SMYD4: variants seen among roughly 807,000 people sequenced by gnomAD.
SMYD4 encodes the protein SET and MYND domain containing 4.
A neutral mutation model predicts 72.8 loss-of-function variants in SMYD4; 68 were observed. The observed-to-expected ratio is 0.93, with a 90% CI of 0.77 to 1.14. The LOEUF is 1.14. Ranked by LOEUF, SMYD4 falls within the 50% of genes most tolerant of loss-of-function variation. The pLI is 0.00. For synonymous variants in SMYD4, 407 were observed against 388.6 expected (o/e 1.05, Z -0.56); for missense variants, 984 against 1,003.7 (o/e 0.98, Z 0.27).
In SMYD4 at chr17:1,811,853, G is replaced by A. The variant is rs1910343682; in HGVS notation, c.279+118C>T. ...AAGGTGGGAGGATCGCTTGAACCCA[G>A]GAGGCGAATGTTGCAGTGAGCTGAG... On this transcript the variant is annotated intron_variant, in intron 3 of 10. Coordinates refer to ENST00000305513, the MANE Select transcript of SMYD4 (RefSeq NM_052928.3). 8 of 1,105,174 alleles carry A rather than the reference G, an allele frequency of 7.2e-6. No individual in the cohort carries two copies. In the South Asian group the frequency reaches 8.3e-5, roughly 11 times the overall value. The allele number at this position is 1,105,174 out of a possible 1,614,324, so 68.5% of individuals were successfully genotyped here.
chr17:1,794,069 GTATATATATGTGTA>G (rs1460634479), intron 5 of SMYD4, among the ~76,000 whole-genome samples: 3 of 67,924 alleles, frequency 4.4e-5, no homozygotes, highest in African/African-American at 2.2e-4. Flanking sequence ...ATATATATGT[GTATATATATGTGTA>G]TATATATATA....
intron 5 of SMYD4, among the ~76,000 whole-genome samples, chr17:1,793,696 G>A (rs1909182571): frequency 6.6e-6 from 1 of 152,002 alleles, no homozygotes; most frequent in African/African-American, 2.4e-5. Flanking sequence ...TTATAGGGAT[G>A]GGAGAAACTG....
chr17:1,806,943 T>TGC (rs150592258), intron 3 of SMYD4, among the ~76,000 whole-genome samples: 2,770 of 152,028 alleles, frequency 0.018, 85 homozygotes, highest in African/African-American at 0.062. Context: ...CAGGCTGGAG[T>TGC]GCAGTGGGGT....
chr17:1,779,766 G>C lies in SMYD4; in HGVS notation c.*1520C>G, dbSNP rs931486689. The C allele has an allele frequency of 6.6e-6, 1 of 152,590 alleles. No homozygotes were observed. The highest frequency in any genetic ancestry group is 2.4e-5 in the African/African-American group (1 of 41,478). 9.5% of individuals were successfully genotyped at this position (152,590 alleles called of 1,614,324 possible). A position where few individuals can be genotyped will look rare whatever the true frequency, so the allele number is the denominator to read the frequency against. On this transcript the variant is annotated 3_prime_UTR_variant, in exon 11 of 11. Coordinates refer to ENST00000305513, the MANE Select transcript of SMYD4 (RefSeq NM_052928.3). ...AAAGGAGTCGAGGAAGCTAGATACT[G>C]TAAGTGGAACGGTGTGTCTCTGGAG...
intron 2 of SMYD4, among the ~76,000 whole-genome samples, chr17:1,827,603 C>T (rs1354858584): frequency 6.6e-6 from 1 of 152,022 alleles, no homozygotes; most frequent in Non-Finnish European, 1.5e-5. Context: ...GGGATAGAAA[C>T]GAACCAGGAA....
rs745481629 is a variant in SMYD4, at chr17:1,787,402, A to T, written c.1720+20T>A. The T allele has an allele frequency of 1.2e-5, 18 of 1,551,590 alleles. No homozygotes were observed. The highest frequency in any genetic ancestry group is 1.6e-5 in the Non-Finnish European group (18 of 1,147,784). On this transcript the variant is annotated intron_variant, in intron 6 of 10. Transcript: ENST00000305513. ...TTCTGTTGGAGAAGGGCAGGATGGC[A>T]GTGCGGAGGGATGGCTCACCATAGC... is the stretch of plus-strand genomic sequence containing the variant.
intron 4 of SMYD4, among the ~76,000 whole-genome samples, chr17:1,803,051 G>C (rs970801839): frequency 6.6e-6 from 1 of 152,236 alleles, no homozygotes; most frequent in Non-Finnish European, 1.5e-5. Flanking sequence ...GCTGAGGCAG[G>C]AGAATCGTTG....
intron 10 of SMYD4, chr17:1,781,674 G>T: frequency 3.8e-6 from 1 of 264,786 alleles, no homozygotes; most frequent in Non-Finnish European, 7.0e-6. Flanking sequence ...AAATCTCAAA[G>T]CTTTTTTTTT....
chr17:1,803,309 A>G lies in SMYD4; in HGVS notation c.369+1317T>C, dbSNP rs868570357. Reference sequence around the variant, plus strand: ...TCCTTTTGCACTCACGACACTTAAGAAGGCTGAGCTATTACTACAGGGATA... The same window carrying G: ...TCCTTTTGCACTCACGACACTTAAGGAGGCTGAGCTATTACTACAGGGATA... On this transcript the variant is annotated intron_variant, in intron 4 of 10. Coordinates refer to ENST00000305513, the MANE Select transcript of SMYD4 (RefSeq NM_052928.3). 5.0e-4 allele frequency among the ~76,000 whole-genome samples: 76 copies of G among 152,304 alleles called. 1 individual carries two copies. Among genetic ancestry groups the G allele is most frequent in the African/African-American group, 1.7e-3 (72 of 41,572 alleles).
chr17:1,783,485 G>A lies in SMYD4; in HGVS notation c.2021-9C>T, dbSNP rs1429439558. ...CCGCTGAACAGCTCGCTCTGTCAAT[G>A]CAGAGGAAAGACGTCTCACTATAGA... On this transcript the variant is annotated splice_polypyrimidine_tract_variant and intron_variant, in intron 8 of 10. Coordinates refer to ENST00000305513, the MANE Select transcript of SMYD4 (RefSeq NM_052928.3). 1 of 1,597,100 alleles carries A rather than the reference G, an allele frequency of 6.3e-7. No individual in the cohort carries two copies. The highest frequency in any genetic ancestry group is 1.8e-5 in the Admixed American group (1 of 56,702).
At chr17:1,794,696 G>A (rs796501214) in intron 5 of SMYD4, among the ~76,000 whole-genome samples, 2 of 150,240 alleles carry the variant, frequency 1.3e-5, no homozygotes, top group Admixed American at 6.7e-5. Flanking sequence ...TTTAATGCTC[G>A]TATGAAATCT....
intron 5 of SMYD4, among the ~76,000 whole-genome samples, chr17:1,788,870 G>A (rs914333646): frequency 4.6e-5 from 7 of 152,164 alleles, no homozygotes; most frequent in Non-Finnish European, 1.5e-5. Context: ...AAAGCCATCT[G>A]TCCTAGGAGT....
intron 6 of SMYD4, 74 bp downstream of exon 6, chr17:1,787,348 G>C (rs1179243487): frequency 1.3e-6 from 2 of 1,526,990 alleles, no homozygotes; most frequent in Non-Finnish European, 1.8e-6. Flanking sequence ...CACATGCCTG[G>C]TGGCTTGCTG....
intron 2 of SMYD4, among the ~76,000 whole-genome samples, chr17:1,822,145 A>G (rs974836784): frequency 6.6e-6 from 1 of 151,616 alleles, no homozygotes; most frequent in African/African-American, 2.4e-5. Flanking sequence ...GAGGCAAGAT[A>G]ATCACTTGAA....
chr17:1,812,468 CT>C (rs1910376054), intron 2 of SMYD4, among the ~76,000 whole-genome samples: 1 of 150,144 alleles, frequency 6.7e-6, no homozygotes, highest in Admixed American at 6.7e-5. Context: ...AATGTTTGTA[CT>C]TTTAGTAGAG....
intron 7 of SMYD4, 38 bp from the exon 8 acceptor site, chr17:1,784,499 G>A (rs1233455362): frequency 6.2e-7 from 1 of 1,612,500 alleles, no homozygotes; most frequent in Non-Finnish European, 8.5e-7. Flanking sequence ...CAATGCCAGG[G>A]TCAGTTATCA....
At chr17:1,818,019 C>T (rs530051916) in intron 2 of SMYD4, among the ~76,000 whole-genome samples, 6 of 131,840 alleles carry the variant, frequency 4.6e-5, no homozygotes, top group Admixed American at 8.5e-5. Flanking sequence ...TGCACTCCAG[C>T]CTGGGCGATG....
chr17:1,790,171 T>G (rs1403387751), intron 5 of SMYD4, among the ~76,000 whole-genome samples: 1 of 152,190 alleles, frequency 6.6e-6, no homozygotes, highest in Non-Finnish European at 1.5e-5. Flanking sequence ...CAATCTATAT[T>G]AGAACCATTG....
intron 4 of SMYD4, 37 bp downstream of exon 4, chr17:1,804,589 G>T: frequency 6.3e-7 from 1 of 1,587,198 alleles, no homozygotes; most frequent in South Asian, 1.1e-5. Flanking sequence ...AAGCCCTCCG[G>T]ATCCTGTCCT....
Sources: allele counts gnomAD v4.1 joint callset (sites outside exome capture counted in the v4.1 genomes callset), GRCh38; gene constraint gnomAD v4.1.1; transcripts MANE v1.5; gene names NCBI Gene and HGNC (gene_info 2026-07-23, HGNC 2026-07-21).